Variants in SCOC observed in about 807,000 individuals in gnomAD.
SCOC encodes the protein short coiled coil protein.
Under a neutral mutation model 9.9 loss-of-function variants are expected in SCOC, and 7 were observed. The observed-to-expected ratio is 0.71, with a 90% CI of 0.40 to 1.33. SCOC has a LOEUF of 1.33. SCOC is among the 40% of genes most tolerant of loss of function. The pLI, the probability that SCOC is intolerant of heterozygous loss-of-function variation, is 0.01. For synonymous variants in SCOC, 19 were observed against 28.2 expected, an observed-to-expected ratio of 0.67 and a Z score of 1.03; for missense variants, 66 against 89.7, an observed-to-expected ratio of 0.74 and a Z score of 1.07.
chr4:140,304,705 G>A (rs1243757090), intron 1 of SCOC, among the ~76,000 whole-genome samples: 1 of 152,194 alleles, frequency 6.6e-6, no homozygotes, highest in Non-Finnish European at 1.5e-5. Flanking sequence ...GATTAGAGCA[G>A]GAAGGCTGGT....
intron 2 of SCOC, among the ~76,000 whole-genome samples, chr4:140,367,684 C>A (rs1276987962): frequency 6.6e-6 from 1 of 152,108 alleles, no homozygotes; most frequent in Non-Finnish European, 1.5e-5. Context: ...AGTCTAAAGC[C>A]AGATTATTTT....
intron 1 of SCOC, among the ~76,000 whole-genome samples, chr4:140,282,499 T>G (rs1026686227): frequency 6.6e-6 from 1 of 152,054 alleles, no homozygotes; most frequent in Non-Finnish European, 1.5e-5. Context: ...AGGTAGCCAG[T>G]TCTGTTTCCC....
At chr4:140,357,643 T>C (rs1352927394) in intron 2 of SCOC, among the ~76,000 whole-genome samples, 4 of 152,164 alleles carry the variant, frequency 2.6e-5, no homozygotes, top group Non-Finnish European at 5.9e-5. Context: ...AAACCAAACA[T>C]TGGTATTTTC....
At chr4:140,281,919 T>C (rs775469490) in intron 1 of SCOC, among the ~76,000 whole-genome samples, 14 of 152,190 alleles carry the variant, frequency 9.2e-5, no homozygotes, top group Non-Finnish European at 2.1e-4. Flanking sequence ...TTGAGGGCTC[T>C]CTACAATGCA....
intron 1 of SCOC, chr4:140,283,928 G>A (rs1389720947): frequency 1.3e-5 from 2 of 152,174 alleles, no homozygotes; most frequent in Non-Finnish European, 2.9e-5. Context: ...ATAATGTAGT[G>A]GAATCTAAAG....
At chr4:140,308,965 G>A (rs559265843) in intron 1 of SCOC, among the ~76,000 whole-genome samples, 24 of 152,288 alleles carry the variant, frequency 1.6e-4, no homozygotes, top group South Asian at 6.2e-4. Context: ...TTTTGCTCAC[G>A]CCCAGTTAGG....
chr4:140,313,378 A>AACTGGGATCCCT, intron 1 of SCOC, among the ~76,000 whole-genome samples: 3 of 152,070 alleles, frequency 2.0e-5, no homozygotes, highest in Non-Finnish European at 4.4e-5. Context: ...CAGCCTCCTG[A>AACTGGGATCCCT]GGAACTGGGA....
chr4:140,371,630 T>C (rs754741760), upstream of SCOC, among the ~76,000 whole-genome samples: 1 of 152,238 alleles, frequency 6.6e-6, no homozygotes, highest in Non-Finnish European at 1.5e-5. Flanking sequence ...CTTTATTGTA[T>C]ACCAACTTCC....
chr4:140,277,592 A>G (rs997941010), intron 1 of SCOC, among the ~76,000 whole-genome samples: 1 of 152,326 alleles, frequency 6.6e-6, no homozygotes, highest in East Asian at 1.9e-4. Context: ...AGTTTCTCTT[A>G]AGTAGCTTAT....
intron 2 of SCOC, chr4:140,362,693 T>C (rs1258283909): frequency 6.6e-6 from 1 of 152,154 alleles, no homozygotes; most frequent in East Asian, 1.9e-4. Flanking sequence ...AAAATATTTC[T>C]ATTAATGGCC....
intron 1 of SCOC, among the ~76,000 whole-genome samples, chr4:140,278,859 C>A: frequency 8.1e-6 from 1 of 123,670 alleles, no homozygotes; most frequent in East Asian, 2.9e-4. Context: ...CCCGTATTCA[C>A]TTTGCCCCCC....
At chr4:140,305,963 T>C (rs1731968134) in intron 1 of SCOC, among the ~76,000 whole-genome samples, 1 of 152,166 alleles carries the variant, frequency 6.6e-6, no homozygotes. Flanking sequence ...TCCTGGGACT[T>C]CCCTTCTACT....
chr4:140,332,157 C>T (rs1732833820), intron 1 of SCOC, among the ~76,000 whole-genome samples: 1 of 152,088 alleles, frequency 6.6e-6, no homozygotes. Context: ...GGCCCCACCT[C>T]CAGCACTGGG....
chr4:140,274,978 G>A (rs891472197), intron 1 of SCOC, among the ~76,000 whole-genome samples: 4 of 152,086 alleles, frequency 2.6e-5, no homozygotes, highest in African/African-American at 4.8e-5. Context: ...TGGTACATTC[G>A]CATGGAATTT....
At chr4:140,359,736 T>C (rs567746703) in intron 2 of SCOC, among the ~76,000 whole-genome samples, 1 of 152,352 alleles carries the variant, frequency 6.6e-6, no homozygotes, top group East Asian at 1.9e-4. Flanking sequence ...ACGTGGGATC[T>C]AAAGATGCCC....
intron 1 of SCOC, among the ~76,000 whole-genome samples, chr4:140,321,065 A>G (rs1442960964): frequency 6.6e-6 from 1 of 152,222 alleles, no homozygotes; most frequent in East Asian, 1.9e-4. Flanking sequence ...ACTCAAAACC[A>G]AGAGAAGAGA....
At chr4:140,366,531 A>G (rs977312481) in intron 2 of SCOC, 143 of 1,574,672 alleles carry the variant, frequency 9.1e-5, no homozygotes, top group Non-Finnish European at 1.2e-4. Flanking sequence ...TCATAACTTT[A>G]AAATGATCAA....
At chr4:140,339,793 A>G (rs1381920275), upstream of SCOC, among the ~76,000 whole-genome samples, 1 of 152,248 alleles carries the variant, frequency 6.6e-6, no homozygotes, top group Non-Finnish European at 1.5e-5. Flanking sequence ...TTAAAAAGTC[A>G]GGGAACGACA....
At chr4:140,282,225 A>T (rs1006906506) in intron 1 of SCOC, among the ~76,000 whole-genome samples, 1 of 152,198 alleles carries the variant, frequency 6.6e-6, no homozygotes, top group Non-Finnish European at 1.5e-5. Context: ...TGGGGAAATC[A>T]TTTAAATTCA....
Sources: allele counts gnomAD v4.1 joint callset (sites outside exome capture counted in the v4.1 genomes callset), GRCh38; gene constraint gnomAD v4.1.1; transcripts MANE v1.5; gene names NCBI Gene and HGNC (gene_info 2026-07-23, HGNC 2026-07-21).